GNG12: variants seen among roughly 807,000 people sequenced by gnomAD.
GNG12 encodes the protein guanine nucleotide-binding protein G(I)/G(S)/G(O) subunit gamma-12.
For synonymous variants in GNG12, 28 were observed against 29.7 expected (o/e 0.94, Z 0.19); for missense variants, 69 against 83.8 (o/e 0.82, Z 0.69).
intron 2 of GNG12, among the ~76,000 whole-genome samples, chr1:67,715,351 C>T (rs1294126377): frequency 1.3e-5 from 2 of 152,204 alleles, no homozygotes; most frequent in African/African-American, 4.8e-5. Flanking sequence ...TGGTCTGTGG[C>T]AGTTTGTTAT....
intron 1 of GNG12, among the ~76,000 whole-genome samples, chr1:67,816,613 C>T (rs1269602327): frequency 6.6e-6 from 1 of 152,142 alleles, no homozygotes; most frequent in Non-Finnish European, 1.5e-5. Context: ...CTGCCACTTA[C>T]GGTGTGACTC....
rs565197143 is a variant in GNG12, at chr1:67,702,026, A to G, written c.*3425T>C. On this transcript the variant is annotated 3_prime_UTR_variant, in exon 4 of 4. Coordinates refer to ENST00000370982, the MANE Select transcript of GNG12 (RefSeq NM_018841.6). ...ATCTACTGCAGCCACTTGTTTTACA[A>G]ATGGAGAAATAGAGGCCCAGAGAGA... 3 of 152,948 alleles carry G rather than the reference A, an allele frequency of 2.0e-5. No homozygotes were observed. The East Asian group carries it at 5.8e-4, about 29-fold the overall frequency. 9.5% of individuals were successfully genotyped at this position (152,948 alleles called of 1,614,324 possible). A position where few individuals can be genotyped will look rare whatever the true frequency, so the allele number is the denominator to read the frequency against.
intron 3 of GNG12, among the ~76,000 whole-genome samples, chr1:67,707,318 T>C (rs1386798990): frequency 6.6e-6 from 1 of 152,200 alleles, no homozygotes; most frequent in African/African-American, 2.4e-5. Context: ...AACACAGGGA[T>C]CAACGGACTT....
chr1:67,826,516 A>G (rs916163862), intron 1 of GNG12, among the ~76,000 whole-genome samples: 1 of 152,206 alleles, frequency 6.6e-6, no homozygotes, highest in African/African-American at 2.4e-5. Context: ...CTGCACAGCC[A>G]ATCATGACCT....
chr1:67,825,355 G>A (rs1305582731), intron 1 of GNG12, among the ~76,000 whole-genome samples: 1 of 152,260 alleles, frequency 6.6e-6, no homozygotes, highest in Non-Finnish European at 1.5e-5. Context: ...GAAAACAGCA[G>A]ATGGCCTAGG....
rs187161721 is a variant in GNG12 at position 67,754,339 on chromosome 1, C to A, written c.-27+23119G>T. On this transcript the variant is annotated intron_variant, in intron 2 of 3. Coordinates refer to ENST00000370982, the MANE Select transcript of GNG12 (RefSeq NM_018841.6). Reference sequence around the variant, plus strand: ...AAACCTCCGCCTATTGTTGTGGTCTCCAGCTCAGGGAGTGGCACTGTCATC... The same window carrying A: ...AAACCTCCGCCTATTGTTGTGGTCTACAGCTCAGGGAGTGGCACTGTCATC... Among the ~76,000 whole-genome samples the A allele has an allele frequency of 3.4e-4, 52 of 152,282 alleles. 2 individuals carry two copies. In the East Asian group the frequency reaches 9.1e-3, roughly 27 times the overall value.
At chr1:67,829,719 T>C (rs1647032302) in intron 1 of GNG12, among the ~76,000 whole-genome samples, 1 of 152,224 alleles carries the variant, frequency 6.6e-6, no homozygotes, top group Admixed American at 6.5e-5. Flanking sequence ...AATCATTATG[T>C]TATGTTCTAG....
chr1:67,793,631 G>A (rs570374178), intron 1 of GNG12, among the ~76,000 whole-genome samples: 133 of 151,900 alleles, frequency 8.8e-4, no homozygotes, highest in Middle Eastern at 3.4e-3. Context: ...CATCCCTCTC[G>A]GGCTGTGCAA....
At chr1:67,771,271 A>T (rs1646672897) in intron 2 of GNG12, among the ~76,000 whole-genome samples, 1 of 152,254 alleles carries the variant, frequency 6.6e-6, no homozygotes, top group Non-Finnish European at 1.5e-5. Flanking sequence ...AGTGCCAGGC[A>T]CTGGGCCATG....
At chr1:67,765,789 G>T (rs1646632549) in intron 2 of GNG12, among the ~76,000 whole-genome samples, 3 of 152,164 alleles carry the variant, frequency 2.0e-5, no homozygotes, top group Admixed American at 2.0e-4. Context: ...TTCAATGTGG[G>T]TGACATAGCT....
chr1:67,817,628 C>T (rs1646960253), intron 1 of GNG12, among the ~76,000 whole-genome samples: 1 of 152,112 alleles, frequency 6.6e-6, no homozygotes, highest in Admixed American at 6.5e-5. Context: ...TATAACATGC[C>T]TATTATTCTG....
At chr1:67,801,594 C>A (rs951280679) in intron 1 of GNG12, among the ~76,000 whole-genome samples, 2 of 152,100 alleles carry the variant, frequency 1.3e-5, no homozygotes, top group African/African-American at 2.4e-5. Flanking sequence ...TTATACCCAG[C>A]GATACCTGGG....
intron 1 of GNG12, among the ~76,000 whole-genome samples, chr1:67,778,629 G>A (rs974451031): frequency 6.6e-6 from 1 of 152,028 alleles, no homozygotes; most frequent in African/African-American, 2.4e-5. Context: ...AACTTTACGA[G>A]GTAAATATAT....
intron 1 of GNG12, among the ~76,000 whole-genome samples, chr1:67,809,952 C>A (rs756045405): frequency 6.6e-6 from 1 of 152,136 alleles, no homozygotes; most frequent in Non-Finnish European, 1.5e-5. Flanking sequence ...AAGACATATG[C>A]CCGAAAATTT....
intron 1 of GNG12, among the ~76,000 whole-genome samples, chr1:67,801,824 T>C (rs1557622342): frequency 6.6e-6 from 1 of 151,984 alleles, no homozygotes; most frequent in Non-Finnish European, 1.5e-5. Flanking sequence ...TTTCATAGAG[T>C]TGCTGTGAGG....
chr1:67,755,423 G>A (rs1022270243), intron 2 of GNG12, among the ~76,000 whole-genome samples: 3 of 152,062 alleles, frequency 2.0e-5, no homozygotes, highest in Non-Finnish European at 4.4e-5. Flanking sequence ...TTAGACTGTG[G>A]TCTTTTTAAG....
chr1:67,829,452 GCTT>G (rs1436325108), intron 1 of GNG12, among the ~76,000 whole-genome samples: 1 of 152,110 alleles, frequency 6.6e-6, no homozygotes, highest in African/African-American at 2.4e-5. Flanking sequence ...AAATTACTGA[GCTT>G]TTTTTAGATT....
At chr1:67,794,235 A>G (rs1038578995) in intron 1 of GNG12, among the ~76,000 whole-genome samples, 8 of 152,208 alleles carry the variant, frequency 5.3e-5, no homozygotes, top group Admixed American at 1.3e-4. Flanking sequence ...TCTCCTTGCT[A>G]GCAGAACCTG....
chr1:67,789,159 G>T lies in GNG12; in HGVS notation c.-76-11652C>A, dbSNP rs571551346. Among the ~76,000 whole-genome samples, 4 of 152,276 alleles carry T rather than the reference G, an allele frequency of 2.6e-5. No homozygotes were observed. The South Asian group carries it at 8.3e-4, about 32-fold the overall frequency. On this transcript the variant is annotated intron_variant, in intron 1 of 3. Coordinates refer to ENST00000370982, the MANE Select transcript of GNG12 (RefSeq NM_018841.6). ...CTTCGGTCTGCAGAAGATGCAGAAA[G>T]ACTTCAATGGTAAGACCAAGGGCCC...
Sources: allele counts gnomAD v4.1 joint callset (sites outside exome capture counted in the v4.1 genomes callset), GRCh38; gene constraint gnomAD v4.1.1; transcripts MANE v1.5; gene names NCBI Gene and HGNC (gene_info 2026-07-23, HGNC 2026-07-21).